NPEPPS: variants seen among roughly 807,000 people sequenced by gnomAD.
NPEPPS encodes the protein aminopeptidase puromycin sensitive.
A neutral mutation model predicts 115.5 loss-of-function variants in NPEPPS; 14 were observed. The ratio of observed to expected loss-of-function variants is 0.12; its 90% CI spans 0.08 to 0.19. The LOEUF is 0.19. Among genes scored for constraint, NPEPPS ranks in the 10% least tolerant of loss-of-function variants. The pLI is 1.00. For missense variants in NPEPPS, 523 were observed against 1,110.8 expected, an observed-to-expected ratio of 0.47 and a Z score of 7.52; for synonymous variants, 285 against 390.6, an observed-to-expected ratio of 0.73 and a Z score of 3.19.
intron 1 of NPEPPS, among the ~76,000 whole-genome samples, chr17:47,524,242 G>C (rs556141939): frequency 6.6e-6 from 1 of 151,712 alleles, no homozygotes; most frequent in South Asian, 2.1e-4. Flanking sequence ...CCGGGAGGCG[G>C]AGGTTGTAGT....
intron 17 of NPEPPS, among the ~76,000 whole-genome samples, chr17:47,610,759 A>AC (rs1913806952): frequency 6.6e-6 from 1 of 151,692 alleles, no homozygotes; most frequent in Admixed American, 6.6e-5. Flanking sequence ...TCTGTTATGC[A>AC]CATTTGTATA....
At chr17:47,601,481 A>G (rs1913196901) in intron 14 of NPEPPS, 127 bp from the exon 15 acceptor site, 2 of 926,154 alleles carry the variant, frequency 2.2e-6, no homozygotes, top group Admixed American at 4.5e-5. Context: ...GAGTTCATGT[A>G]CCACTAAGAA....
At chr17:47,547,469 C>G (rs1909298376) in intron 2 of NPEPPS, among the ~76,000 whole-genome samples, 1 of 152,046 alleles carries the variant, frequency 6.6e-6, no homozygotes, top group African/African-American at 2.4e-5. Context: ...CCTCACCCTC[C>G]CAAGTAGCTG....
chr17:47,583,521 T>G (rs2125873), intron 5 of NPEPPS, among the ~76,000 whole-genome samples: 68,948 of 151,034 alleles, frequency 0.46, 16,592 homozygotes, highest in South Asian at 0.56. Context: ...GGAAGCGGAG[T>G]TTGTAGTGAG....
intron 2 of NPEPPS, among the ~76,000 whole-genome samples, chr17:47,553,085 G>T (rs1909761435): frequency 6.6e-6 from 1 of 152,008 alleles, no homozygotes; most frequent in African/African-American, 2.4e-5. Context: ...ATCCTTGAGG[G>T]GCTGGGCACT....
chr17:47,554,692 CCTT>C (rs1186400791), intron 2 of NPEPPS, among the ~76,000 whole-genome samples: 1 of 152,154 alleles, frequency 6.6e-6, no homozygotes, highest in Non-Finnish European at 1.5e-5. Context: ...TTATACTCAC[CCTT>C]CTTCTTTGAC....
At chr17:47,539,162 G>C (rs1418099158) in intron 1 of NPEPPS, among the ~76,000 whole-genome samples, 2 of 133,792 alleles carry the variant, frequency 1.5e-5, no homozygotes, top group Admixed American at 1.8e-4. Context: ...CTGATACTCT[G>C]ATACAACCTG....
At chr17:47,568,825 T>G (rs1449447007) in intron 2 of NPEPPS, among the ~76,000 whole-genome samples, 1 of 151,906 alleles carries the variant, frequency 6.6e-6, no homozygotes, top group South Asian at 2.1e-4. Context: ...CCGGCTAGTT[T>G]TGTATTTTTA....
intron 15 of NPEPPS, among the ~76,000 whole-genome samples, chr17:47,602,338 A>AT (rs1913251433): frequency 6.6e-6 from 1 of 152,052 alleles, no homozygotes; most frequent in Non-Finnish European, 1.5e-5. Flanking sequence ...TTTAAAAAAA[A>AT]GCCCGCCGAA....
chr17:47,533,010 A>G (rs1907936474), intron 1 of NPEPPS, among the ~76,000 whole-genome samples: 1 of 152,234 alleles, frequency 6.6e-6, no homozygotes, highest in Non-Finnish European at 1.5e-5. Context: ...ACCTTAAAGA[A>G]CATGGTGTAT....
chr17:47,546,001 C>G lies in NPEPPS; in HGVS notation c.340+8C>G, dbSNP rs752818263. 10 of 1,520,198 alleles carry G rather than the reference C, an allele frequency of 6.6e-6. No individual in the cohort carries two copies. The African/African-American group carries it at 1.1e-4, about 17-fold the overall frequency. The allele number at this position is 1,520,198 out of a possible 1,614,324, so 94.2% of individuals were successfully genotyped here. On this transcript the variant is annotated splice_region_variant and intron_variant, in intron 2 of 22. Transcript: ENST00000322157. ...CACCAGAAGGAGATGAAGGTAAGAG[C>G]TGTTTTCCATTTTAATTTGCTGTCT...
At chr17:47,537,888 T>C (rs1908420200) in intron 1 of NPEPPS, among the ~76,000 whole-genome samples, 1 of 151,810 alleles carries the variant, frequency 6.6e-6, no homozygotes, top group African/African-American at 2.4e-5. Context: ...TATCTGTTTT[T>C]TTTTTTCTTT....
Position 47,621,786 on chromosome 17 carries a change from C to A in NPEPPS, c.2626C>A (p.Pro876Thr). ...ATACCAGGCTTTCTTCGAGAGTCAC[C>A]CAGCTCCTTCAGCTGAGCGTACCAT... ...GEVKAFFESH[P>T]APSAERTIQQ... is the part of the protein sequence containing the mutation. The change falls in exon 23 of 23, where the codon CCA (proline) becomes ACA (threonine). Residue 876 changes from proline (P) to threonine (T), a missense_variant. By Grantham distance (38) the Pro-to-Thr change is conservative. Coordinates refer to ENST00000322157, the MANE Select transcript of NPEPPS (RefSeq NM_006310.4). The A allele has an allele frequency of 6.2e-7, 1 of 1,611,164 alleles. No homozygotes were observed. The highest frequency in any genetic ancestry group is 8.5e-7 in the Non-Finnish European group (1 of 1,177,788).
chr17:47,592,797 A>G (rs1567862070), intron 12 of NPEPPS: 3 of 361,312 alleles, frequency 8.3e-6, no homozygotes, highest in Non-Finnish European at 1.6e-5. Context: ...CATGTGCACA[A>G]TGTGCAGGTT....
chr17:47,527,204 C>G (rs1279097582), upstream of NPEPPS, among the ~76,000 whole-genome samples: 1 of 152,104 alleles, frequency 6.6e-6, no homozygotes. Context: ...AAGTGTTGGC[C>G]AGGCATAGTG....
intron 1 of NPEPPS, among the ~76,000 whole-genome samples, chr17:47,540,186 C>T (rs949682485): frequency 2.6e-5 from 4 of 151,776 alleles, no homozygotes; most frequent in African/African-American, 9.7e-5. Flanking sequence ...AGTTGAAGTG[C>T]AGTCTATATA....
At position 47,603,934 on chromosome 17, in the gene NPEPPS, G is replaced by T; in HGVS notation, c.1760G>T (p.Gly587Val). 6.2e-7 allele frequency: 1 copy of T among 1,611,678 alleles called. No homozygotes were observed. The highest frequency in any genetic ancestry group is 8.5e-7 in the Non-Finnish European group (1 of 1,178,712). Residue 587 changes from glycine (G) to valine (V), a missense_variant, in exon 16 of 23, where the codon GGG (glycine) becomes GTG (valine). By Grantham distance (109) the Gly-to-Val change is moderately radical. Coordinates refer to ENST00000322157, the MANE Select transcript of NPEPPS (RefSeq NM_006310.4). ...TTGCAGTTAAACTTAGGAACAGTTGGGTTTTATCGGACCCAGTACAGCTCT... is the reference window on the plus strand; with the variant it reads ...TTGCAGTTAAACTTAGGAACAGTTGTGTTTTATCGGACCCAGTACAGCTCT... The part of the protein sequence containing the change: ...QWVKLNLGTV[G>V]FYRTQYSSAM...
chr17:47,614,211 C>A (rs1361207259), intron 19 of NPEPPS, among the ~76,000 whole-genome samples: 1 of 152,138 alleles, frequency 6.6e-6, no homozygotes, highest in Non-Finnish European at 1.5e-5. Flanking sequence ...TCAAGTGATA[C>A]ACCCACCTCA....
intron 3 of NPEPPS, among the ~76,000 whole-genome samples, chr17:47,573,762 A>T (rs1266842800): frequency 6.6e-6 from 1 of 152,208 alleles, no homozygotes; most frequent in African/African-American, 2.4e-5. Context: ...AGACATTTAG[A>T]AGTCACAGAG....
Sources: allele counts gnomAD v4.1 joint callset (sites outside exome capture counted in the v4.1 genomes callset), GRCh38; gene constraint gnomAD v4.1.1; transcripts MANE v1.5; gene names NCBI Gene and HGNC (gene_info 2026-07-23, HGNC 2026-07-21).